KCNMB2: variants seen among roughly 807,000 people sequenced by gnomAD.
KCNMB2 encodes potassium calcium-activated channel subfamily M regulatory beta subunit 2.
A neutral mutation model predicts 24.5 loss-of-function variants in KCNMB2; 9 were observed. The ratio of observed to expected loss-of-function variants is 0.37; its 90% CI spans 0.22 to 0.64. The LOEUF (loss-of-function observed/expected upper bound fraction) is 0.64, where lower values mean the gene tolerates loss of function less well. Ranked by LOEUF, KCNMB2 falls within the 30% of genes least tolerant of loss-of-function variation. The probability of loss-of-function intolerance (pLI) is 0.63; values close to 1 mark genes in which losing one functional copy is unlikely to be tolerated. For synonymous variants in KCNMB2, 109 were observed against 104.4 expected (o/e 1.04, Z -0.27); for missense variants, 226 against 284.3 (o/e 0.79, Z 1.47).
chr3:178,576,294 G>C (rs1417947011), intron 1 of KCNMB2, among the ~76,000 whole-genome samples: 2 of 152,064 alleles, frequency 1.3e-5, no homozygotes, highest in East Asian at 3.9e-4. Context: ...ACTGTGCCAA[G>C]AACTAGGCAC....
At chr3:178,687,239 T>C (rs1160434767) in intron 1 of KCNMB2, among the ~76,000 whole-genome samples, 1 of 152,138 alleles carries the variant, frequency 6.6e-6, no homozygotes. Context: ...CTGACCCTGA[T>C]TTACTTTCAC....
intron 1 of KCNMB2, among the ~76,000 whole-genome samples, chr3:178,701,033 T>C (rs1343316653): frequency 6.6e-6 from 1 of 152,248 alleles, no homozygotes; most frequent in Non-Finnish European, 1.5e-5. Flanking sequence ...TCCTTGCCCA[T>C]GCCTATGTCC....
At chr3:178,633,441 G>A (rs927066401) in intron 1 of KCNMB2, among the ~76,000 whole-genome samples, 2 of 152,242 alleles carry the variant, frequency 1.3e-5, no homozygotes, top group Non-Finnish European at 2.9e-5. Flanking sequence ...CTGTGCACCT[G>A]CAGGCTGAAC....
intron 1 of KCNMB2, among the ~76,000 whole-genome samples, chr3:178,718,800 T>G (rs1279559885): frequency 1.3e-5 from 2 of 152,182 alleles, no homozygotes; most frequent in Admixed American, 6.6e-5. Context: ...CTATATCGTA[T>G]ATGCATCTTA....
At chr3:178,792,572 A>G (rs1028057073) in intron 1 of KCNMB2, among the ~76,000 whole-genome samples, 4 of 152,216 alleles carry the variant, frequency 2.6e-5, no homozygotes, top group Admixed American at 6.5e-5. Flanking sequence ...TTACATATCA[A>G]TAATAACATT....
chr3:178,758,734 G>A (rs866258074), intron 1 of KCNMB2, among the ~76,000 whole-genome samples: 10 of 31,228 alleles, frequency 3.2e-4, no homozygotes, highest in South Asian at 2.1e-3. Flanking sequence ...ATATCTCCAA[G>A]AGGAGATATA....
At chr3:178,721,764 C>T (rs184088635) in intron 1 of KCNMB2, among the ~76,000 whole-genome samples, 199 of 152,254 alleles carry the variant, frequency 1.3e-3, no homozygotes, top group African/African-American at 4.3e-3. Flanking sequence ...TTTCCGCTTT[C>T]GCCATTTTAA....
intron 1 of KCNMB2, among the ~76,000 whole-genome samples, chr3:178,605,009 A>G (rs1424577900): frequency 1.3e-5 from 2 of 152,198 alleles, no homozygotes; most frequent in African/African-American, 4.8e-5. Context: ...CATTTGTTTT[A>G]CTGATCTATA....
intron 1 of KCNMB2, among the ~76,000 whole-genome samples, chr3:178,739,224 C>T (rs570770713): frequency 4.3e-4 from 65 of 152,226 alleles, no homozygotes; most frequent in African/African-American, 1.5e-3. Context: ...GTCACTTAAC[C>T]TCTCAGTCAG....
intron 1 of KCNMB2, among the ~76,000 whole-genome samples, chr3:178,623,211 C>A (rs898352030): frequency 6.6e-6 from 1 of 152,220 alleles, no homozygotes; most frequent in Non-Finnish European, 1.5e-5. Flanking sequence ...GCAGCAGTAT[C>A]CAACTGCCTG....
intron 1 of KCNMB2, among the ~76,000 whole-genome samples, chr3:178,799,815 G>A (rs1208881734): frequency 1.3e-5 from 2 of 152,140 alleles, no homozygotes; most frequent in East Asian, 3.9e-4. Context: ...CATGGCACTG[G>A]AAGAAAAAGA....
At chr3:178,624,014 C>T (rs1009576394) in intron 1 of KCNMB2, among the ~76,000 whole-genome samples, 23 of 152,214 alleles carry the variant, frequency 1.5e-4, no homozygotes, top group Non-Finnish European at 5.9e-5. Flanking sequence ...ACAGCTGCCC[C>T]TTTCAGTGCC....
At chr3:178,595,242 A>G (rs997486954) in intron 1 of KCNMB2, among the ~76,000 whole-genome samples, 3 of 151,982 alleles carry the variant, frequency 2.0e-5, no homozygotes, top group Non-Finnish European at 2.9e-5. Flanking sequence ...ATGACATCCA[A>G]ATACTAGGCA....
intron 2 of KCNMB2, among the ~76,000 whole-genome samples, chr3:178,823,119 C>A (rs1173393850): frequency 6.6e-6 from 1 of 152,204 alleles, no homozygotes; most frequent in Non-Finnish European, 1.5e-5. Flanking sequence ...CTAACGGACA[C>A]TGATTTTTTA....
chr3:178,707,830 T>C (rs2108346998), intron 1 of KCNMB2, among the ~76,000 whole-genome samples: 2 of 152,262 alleles, frequency 1.3e-5, no homozygotes, highest in South Asian at 4.1e-4. Context: ...AAAACAAAAC[T>C]TCAGCTCAGC....
At chr3:178,614,671 C>G (rs1560131982) in intron 1 of KCNMB2, among the ~76,000 whole-genome samples, 1 of 152,028 alleles carries the variant, frequency 6.6e-6, no homozygotes, top group Admixed American at 6.6e-5. Flanking sequence ...TTCTGAATTC[C>G]TTCTCTGTGT....
chr3:178,590,391 GC>G (rs1439466539), intron 1 of KCNMB2, among the ~76,000 whole-genome samples: 4 of 152,030 alleles, frequency 2.6e-5, no homozygotes, highest in Non-Finnish European at 5.9e-5. Context: ...AAAAAAGAGA[GC>G]CTTTCAACAT....
intron 2 of KCNMB2, chr3:178,820,662 C>T (rs1263282950): frequency 6.6e-6 from 1 of 152,598 alleles, no homozygotes; most frequent in Non-Finnish European, 1.5e-5. Context: ...CAATATCAAA[C>T]TTCAAGAAAC....
At chr3:178,739,172 AC>A (rs1723414553) in intron 1 of KCNMB2, among the ~76,000 whole-genome samples, 1 of 151,752 alleles carries the variant, frequency 6.6e-6, no homozygotes, top group African/African-American at 2.4e-5. Context: ...AAGTGGGCCA[AC>A]CCCACTTCCA....
Sources: gnomAD v4.1 joint callset for allele counts (sites outside exome capture counted in the v4.1 genomes callset) on GRCh38, gnomAD v4.1.1 for gene constraint, MANE v1.5 for transcripts, NCBI Gene and HGNC (gene_info 2026-07-23, HGNC 2026-07-21) for gene names.